GRM7: variants seen among roughly 807,000 people sequenced by gnomAD.
The protein encoded by GRM7 is metabotropic glutamate receptor 7.
Under a neutral mutation model 84.5 loss-of-function variants are expected in GRM7, and 35 were observed. The ratio of observed to expected loss-of-function variants is 0.41; its 90% CI spans 0.32 to 0.55. The LOEUF is 0.55. Ranked by LOEUF, GRM7 falls within the 20% of genes least tolerant of loss-of-function variation. The pLI is 0.19. For missense variants in GRM7, 1,003 were observed against 1,194.6 expected (o/e 0.84, Z 2.36); for synonymous variants, 487 against 455.1 (o/e 1.07, Z -0.89).
intron 9 of GRM7, among the ~76,000 whole-genome samples, chr3:7,708,923 G>A (rs1038873463): frequency 2.0e-5 from 3 of 151,642 alleles, no homozygotes; most frequent in Admixed American, 2.0e-4. Flanking sequence ...TTTAAAAATT[G>A]TGTGTATGCA....
Position 7,220,607 on chromosome 3 carries a change from T to TA in GRM7, c.736+73947dup, listed in dbSNP as rs554497267. On this transcript the variant is annotated intron_variant, in intron 2 of 9. Coordinates refer to ENST00000357716, the MANE Select transcript of GRM7 (RefSeq NM_000844.4). Reference sequence around the variant, plus strand: ...ATTGGATTAGGAAAAGGGCATTAGGTAAAAAAAAGAAATACCAATAAAGTA... The same window carrying TA: ...ATTGGATTAGGAAAAGGGCATTAGGTAAAAAAAAAGAAATACCAATAAAGTA... Among the ~76,000 whole-genome samples the TA allele has an allele frequency of 3.9e-3, 592 of 151,848 alleles. 5 individuals are homozygous for TA. The highest frequency in any genetic ancestry group is 0.014 in the African/African-American group (560 of 41,384).
At chr3:7,652,586 C>A (rs1044328153) in intron 8 of GRM7, among the ~76,000 whole-genome samples, 1 of 152,124 alleles carries the variant, frequency 6.6e-6, no homozygotes, top group Non-Finnish European at 1.5e-5. Flanking sequence ...TGTTAGCCAT[C>A]AGAAATCCTC....
intron 3 of GRM7, among the ~76,000 whole-genome samples, chr3:7,299,574 A>G (rs1175847944): frequency 6.6e-6 from 1 of 152,248 alleles, no homozygotes; most frequent in Non-Finnish European, 1.5e-5. Context: ...TCCAGGTACA[A>G]TAACTAATTA....
intron 4 of GRM7, among the ~76,000 whole-genome samples, chr3:7,325,673 T>C (rs976415479): frequency 6.6e-6 from 1 of 152,182 alleles, no homozygotes; most frequent in Non-Finnish European, 1.5e-5. Context: ...ATCTAAATGG[T>C]GTTGACATAA....
At position 7,188,443 on chromosome 3, in the gene GRM7, T is replaced by C. The variant is rs1297339207; in HGVS notation, c.736+41775T>C. On this transcript the variant is annotated intron_variant, in intron 2 of 9. Transcript: ENST00000357716. This position sits in a 1 kb window ranked among gnomAD's most constrained non-coding sequence, Gnocchi z 4.2. ...ATCTTGTTTTTCTATGGTGCTCCAG[T>C]GAAAATATTTTTAAAGCATTTTAAA... 1.3e-5 allele frequency among the ~76,000 whole-genome samples: 2 copies of C among 152,274 alleles called. No individual in the cohort carries two copies. The highest frequency in any genetic ancestry group is 3.9e-4 in the East Asian group (2 of 5,176).
intron 8 of GRM7, among the ~76,000 whole-genome samples, chr3:7,610,783 ATGTTTGT>A (rs938455376): frequency 2.0e-5 from 3 of 152,200 alleles, no homozygotes; most frequent in African/African-American, 7.2e-5. Context: ...GAGGTGAAAG[ATGTTTGT>A]TTTTAGTTTT....
chr3:7,381,283 T>C (rs558927992), intron 4 of GRM7, among the ~76,000 whole-genome samples: 102 of 152,302 alleles, frequency 6.7e-4, no homozygotes, highest in African/African-American at 2.3e-3. Context: ...AATCCAGGCT[T>C]TTCTACTCAA....
At chr3:7,305,293 G>T (rs1700148773) in intron 3 of GRM7, among the ~76,000 whole-genome samples, 3 of 144,366 alleles carry the variant, frequency 2.1e-5, no homozygotes, top group South Asian at 2.2e-4. Flanking sequence ...TACTATTTTG[G>T]TGTTTACAAT....
chr3:6,935,355 T>G (rs1027974095), intron 1 of GRM7, among the ~76,000 whole-genome samples: 2 of 152,150 alleles, frequency 1.3e-5, no homozygotes, highest in African/African-American at 2.4e-5. Flanking sequence ...GCTAGGCTTT[T>G]TTTTTTTGAA....
chr3:7,369,707 GT>G (rs1372676025), intron 4 of GRM7, among the ~76,000 whole-genome samples: 3 of 152,118 alleles, frequency 2.0e-5, no homozygotes, highest in African/African-American at 7.2e-5. Flanking sequence ...AAAGTCTGAA[GT>G]TTTTGAAGGC....
At chr3:7,024,393 C>G (rs1012038665) in intron 1 of GRM7, among the ~76,000 whole-genome samples, 2 of 152,194 alleles carry the variant, frequency 1.3e-5, no homozygotes, top group African/African-American at 4.8e-5. Context: ...TCAAGTGAAG[C>G]AAATGGATGA....
chr3:7,424,315 GAAAAA>G (rs1415058905), intron 5 of GRM7, among the ~76,000 whole-genome samples: 2 of 151,224 alleles, frequency 1.3e-5, no homozygotes, highest in East Asian at 3.9e-4. Flanking sequence ...AAAGGAAAAA[GAAAAA>G]AGAAAAGTCA....
chr3:6,953,694 G>C (rs1473356203), intron 1 of GRM7, among the ~76,000 whole-genome samples: 1 of 152,140 alleles, frequency 6.6e-6, no homozygotes, highest in Non-Finnish European at 1.5e-5. Flanking sequence ...AATAATCTCA[G>C]GGACTGTGGA....
intron 1 of GRM7, among the ~76,000 whole-genome samples, chr3:7,092,162 T>C (rs1331524158): frequency 6.6e-6 from 1 of 152,060 alleles, no homozygotes. Flanking sequence ...GCATTCACCA[T>C]TTTTAAAGTT....
At chr3:7,464,213 G>T (rs1033379860) in intron 7 of GRM7, among the ~76,000 whole-genome samples, 1 of 151,442 alleles carries the variant, frequency 6.6e-6, no homozygotes, top group Non-Finnish European at 1.5e-5. Context: ...TCAGGGACAT[G>T]TGTGATAGTG....
At chr3:6,895,866 A>G (rs1175577701) in intron 1 of GRM7, among the ~76,000 whole-genome samples, 1 of 152,132 alleles carries the variant, frequency 6.6e-6, no homozygotes, top group Non-Finnish European at 1.5e-5. Flanking sequence ...AAGATTGCCC[A>G]TTGAGTAAAA....
chr3:6,915,871 G>A (rs1282740279), intron 1 of GRM7, among the ~76,000 whole-genome samples: 3 of 152,066 alleles, frequency 2.0e-5, no homozygotes, highest in Non-Finnish European at 1.5e-5. Context: ...GAAATATTAT[G>A]CTTAATCCAT....
chr3:6,908,942 A>G (rs1048504314), intron 1 of GRM7, among the ~76,000 whole-genome samples: 6 of 152,016 alleles, frequency 3.9e-5, no homozygotes, highest in Non-Finnish European at 7.4e-5. Flanking sequence ...TTTTCTCCCC[A>G]TTTCTTAGAG....
chr3:7,066,516 A>G (rs1371706656), intron 1 of GRM7, among the ~76,000 whole-genome samples: 3 of 151,934 alleles, frequency 2.0e-5, no homozygotes, highest in Non-Finnish European at 4.4e-5. Flanking sequence ...AAGCAGCAAG[A>G]TTGAAATGGC....
Sources: allele counts gnomAD v4.1 joint callset (sites outside exome capture counted in the v4.1 genomes callset), GRCh38; gene constraint gnomAD v4.1.1; non-coding constraint Gnocchi (gnomAD v3.1); transcripts MANE v1.5; gene names NCBI Gene and HGNC (gene_info 2026-07-23, HGNC 2026-07-21).